Variants in JAK2 observed in about 807,000 individuals in gnomAD.
JAK2 encodes the protein Janus kinase 2, also known as tyrosine-protein kinase JAK2.
A neutral mutation model predicts 139.3 loss-of-function variants in JAK2; 86 were observed. The observed-to-expected ratio is 0.62, with a 90% CI of 0.52 to 0.74. The LOEUF (loss-of-function observed/expected upper bound fraction) is 0.74. JAK2 is among the 30% of genes least tolerant of loss of function. JAK2 has a pLI of 0.00. For synonymous variants in JAK2, 490 were observed against 437.7 expected, an observed-to-expected ratio of 1.12 and a Z score of -1.49; for missense variants, 1,421 against 1,360.3, an observed-to-expected ratio of 1.04 and a Z score of -0.70.
intron 3 of JAK2, among the ~76,000 whole-genome samples, chr9:5,026,947 G>C (rs983853022): frequency 3.9e-5 from 6 of 152,128 alleles, no homozygotes; most frequent in African/African-American, 1.2e-4. Flanking sequence ...AATTATTAAT[G>C]TATTGTGTAA....
intron 14 of JAK2, among the ~76,000 whole-genome samples, chr9:5,074,466 TA>T (rs113659315): frequency 0.24 from 37,083 of 151,996 alleles, 4,734 homozygotes; most frequent in South Asian, 0.3. Context: ...TTTCAAACTT[TA>T]AAAAAATCAT....
intron 16 of JAK2, among the ~76,000 whole-genome samples, chr9:5,079,156 G>T (rs7031456): frequency 0.075 from 11,352 of 152,186 alleles, 1,284 homozygotes; most frequent in African/African-American, 0.25. Flanking sequence ...TACAGGAGTA[G>T]GGAGTATGGC....
At chr9:5,044,636 C>T (rs1310102259) in intron 5 of JAK2, 116 bp downstream of exon 5, 4 of 589,370 alleles carry the variant, frequency 6.8e-6, no homozygotes, top group South Asian at 2.4e-5. Context: ...CTGTCTTGCA[C>T]AGCAGGTGCA....
In JAK2 at chr9:5,062,500, T is replaced by TAAAAAAAAAAAAAAAA. The variant is rs58424625; in HGVS notation, c.1057-2367_1057-2352dup. ...AAGTTTGTCAGAAACCTTCCATTTG[T>TAAAAAAAAAAAAAAAA]AAAAAAAAAAAAAAAAAAAAAAAAA... On this transcript the variant is annotated intron_variant, in intron 8 of 24. Transcript: ENST00000381652. Among the ~76,000 whole-genome samples, 46 of 58,242 alleles carry TAAAAAAAAAAAAAAAA rather than the reference T, an allele frequency of 7.9e-4. 11 individuals carry two copies. The highest frequency in any genetic ancestry group is 4.4e-3 in the African/African-American group (42 of 9,592). The allele number at this position is 58,242 out of a possible 152,430, so 38.2% of individuals were successfully genotyped here. A position where few individuals can be genotyped will look rare whatever the true frequency, so the allele number is the denominator to read the frequency against.
In JAK2 at chr9:5,016,248, T is replaced by C. The variant is rs78602668; in HGVS notation, c.-25-5715T>C. Among the ~76,000 whole-genome samples the C allele has an allele frequency of 2.6e-3, 389 of 152,322 alleles. 2 individuals carry two copies. In the East Asian group the frequency reaches 0.029, roughly 11 times the overall value. On this transcript the variant is annotated intron_variant, in intron 2 of 24. Coordinates refer to ENST00000381652, the MANE Select transcript of JAK2 (RefSeq NM_004972.4). Reference sequence around the variant, plus strand: ...AGTGAAGTATCTCCTGCCTTGTGACTGACTGGATCTGCATCGTATCAGATA... The same window carrying C: ...AGTGAAGTATCTCCTGCCTTGTGACCGACTGGATCTGCATCGTATCAGATA...
chr9:5,123,073 T>C lies in JAK2; in HGVS notation c.3129T>C (p.Val1043=). 1.2e-6 allele frequency: 2 copies of C among 1,611,934 alleles called. No homozygotes were observed. Among genetic ancestry groups the C allele is most frequent in the Non-Finnish European group, 1.7e-6 (2 of 1,178,570 alleles). Residue 1043 remains valine, a synonymous_variant, in exon 23 of 25, where the codon GTT becomes GTC. Transcript: ENST00000381652. Reference sequence around the variant, plus strand: ...CAGATGTTTGGAGCTTTGGAGTGGTTCTGTATGAACTTTTCACATACATTG... The same window carrying C: ...CAGATGTTTGGAGCTTTGGAGTGGTCCTGTATGAACTTTTCACATACATTG... ...VASDVWSFGV[V]LYELFTYIEK... is the part of the protein sequence containing the mutation.
intron 19 of JAK2, among the ~76,000 whole-genome samples, chr9:5,082,784 A>G (rs975420565): frequency 7.2e-5 from 11 of 152,330 alleles, no homozygotes; most frequent in African/African-American, 1.4e-4. Context: ...GCCTGTACAC[A>G]TTTTGTTAAC....
At chr9:5,119,459 T>G (rs1005249980) in intron 22 of JAK2, among the ~76,000 whole-genome samples, 2 of 152,066 alleles carry the variant, frequency 1.3e-5, no homozygotes, top group African/African-American at 4.8e-5. Context: ...TTATATAAGC[T>G]TTGGGACCTG....
intron 19 of JAK2, chr9:5,085,228 A>G (rs1267241089): frequency 1.5e-6 from 1 of 669,682 alleles, no homozygotes; most frequent in Admixed American, 1.8e-5. Flanking sequence ...CTGACAGGCA[A>G]ATAGGACAGG....
chr9:5,090,448 C>T lies in JAK2; in HGVS notation c.2764C>T (p.Arg922Trp), dbSNP rs764302764. The T allele has an allele frequency of 5.2e-6, 8 of 1,542,336 alleles. No individual in the cohort carries two copies. Among genetic ancestry groups the T allele is most frequent in the African/African-American group, 2.8e-5 (2 of 72,468 alleles). Residue 922 changes from arginine to tryptophan, a missense_variant and splice_region_variant, in exon 21 of 25, where the codon CGG becomes TGG. Physicochemically the swap from Arg to Trp is moderately radical, Grantham distance 101. Transcript: ENST00000381652. ...TATTTCCACCTTTATGTTAAAAGGT[C>T]GGCGTAATCTAAAATTAATTATGGA... is the stretch of plus-strand genomic sequence containing the variant. ...KYKGVCYSAG[R>W]RNLKLIMEYL...
intron 8 of JAK2, among the ~76,000 whole-genome samples, chr9:5,062,712 T>A (rs982711176): frequency 2.0e-5 from 3 of 152,110 alleles, no homozygotes; most frequent in African/African-American, 7.2e-5. Flanking sequence ...CCTGTTTTCT[T>A]GTATCCTTTG....
At chr9:5,100,326 C>G (rs1217296195) in intron 22 of JAK2, 5 of 152,174 alleles carry the variant, frequency 3.3e-5, no homozygotes, top group Non-Finnish European at 5.9e-5. Flanking sequence ...AACATCTGGC[C>G]TGGCCATGTG....
intron 14 of JAK2, among the ~76,000 whole-genome samples, chr9:5,076,094 C>T (rs914601152): frequency 1.3e-5 from 2 of 151,954 alleles, no homozygotes; most frequent in Non-Finnish European, 2.9e-5. Context: ...CACGATAAGC[C>T]CTGAAAGAAG....
chr9:5,097,606 A>G (rs1002040589), intron 22 of JAK2: 5 of 151,482 alleles, frequency 3.3e-5, no homozygotes, highest in East Asian at 1.9e-4. Context: ...TGCTATGCCT[A>G]CTGGCATCAA....
chr9:5,000,338 A>C (rs1820857845), intron 2 of JAK2, among the ~76,000 whole-genome samples: 3 of 152,168 alleles, frequency 2.0e-5, no homozygotes, highest in African/African-American at 7.2e-5. Context: ...AATAGTCGGA[A>C]ATGTCCAATT....
intron 5 of JAK2, among the ~76,000 whole-genome samples, chr9:5,045,268 T>C (rs1816921078): frequency 1.3e-5 from 2 of 152,150 alleles, no homozygotes; most frequent in Non-Finnish European, 1.5e-5. Flanking sequence ...TTTGCTAATA[T>C]TGTAGGAAAC....
intron 14 of JAK2, 135 bp downstream of exon 14, chr9:5,073,920 T>C: frequency 8.1e-6 from 5 of 620,068 alleles, no homozygotes; most frequent in Non-Finnish European, 1.4e-5. Flanking sequence ...TTTTTGAAAC[T>C]GAAAACACTG....
intron 4 of JAK2, among the ~76,000 whole-genome samples, chr9:5,043,066 C>G (rs1816731029): frequency 6.6e-6 from 1 of 152,202 alleles, no homozygotes; most frequent in Non-Finnish European, 1.5e-5. Flanking sequence ...GGCTTCCTGT[C>G]TCTGTGCTCC....
chr9:5,071,785 G>A (rs1366796583), intron 12 of JAK2, among the ~76,000 whole-genome samples: 2 of 152,120 alleles, frequency 1.3e-5, no homozygotes, highest in African/African-American at 4.8e-5. Flanking sequence ...AGAGTGGCCA[G>A]GTAACTTGAC....
Sources: allele counts gnomAD v4.1 joint callset (sites outside exome capture counted in the v4.1 genomes callset), GRCh38; gene constraint gnomAD v4.1.1; transcripts MANE v1.5; gene names NCBI Gene and HGNC (gene_info 2026-07-23, HGNC 2026-07-21).